SGIP1: variants seen among roughly 807,000 people sequenced by gnomAD.
SGIP1 encodes the protein SH3GL interacting endocytic adaptor 1, also known as SH3-containing GRB2-like protein 3-interacting protein 1.
In SGIP1, 38 loss-of-function variants were observed where a neutral mutation model predicts 107.5. The ratio of observed to expected loss-of-function variants is 0.35; its 90% confidence interval spans 0.27 to 0.46. The LOEUF (loss-of-function observed/expected upper bound fraction) is 0.46. Ranked by LOEUF, SGIP1 falls within the 20% of genes least tolerant of loss-of-function variation. The probability of loss-of-function intolerance (pLI) is 1.00; values close to 1 mark genes in which losing one functional copy is unlikely to be tolerated. For synonymous variants in SGIP1, 365 were observed against 366.1 expected, an observed-to-expected ratio of 1.00 and a Z score of 0.03; for missense variants, 929 against 1,019.5, an observed-to-expected ratio of 0.91 and a Z score of 1.21.
rs61420853 is a variant in SGIP1, at chr1:66,621,781, T to C, written c.11-4066T>C. On this transcript the variant is annotated intron_variant, in intron 1 of 24. Coordinates refer to ENST00000371037, the MANE Select transcript of SGIP1 (RefSeq NM_032291.4). ...ACGTTGCAGCCTGTATAAGTACTTT[T>C]TTCCTTTTTATGGCTGAATAGTATT... is the stretch of plus-strand genomic sequence containing the variant. Among the ~76,000 whole-genome samples, 244 of 152,374 alleles carry C rather than the reference T, an allele frequency of 1.6e-3. 3 individuals are homozygous for C. In the East Asian group the frequency reaches 0.026, roughly 16 times the overall value.
At chr1:66,551,635 C>T (rs1485408193) in intron 1 of SGIP1, among the ~76,000 whole-genome samples, 1 of 152,090 alleles carries the variant, frequency 6.6e-6, no homozygotes, top group Non-Finnish European at 1.5e-5. Flanking sequence ...CATGCCAATC[C>T]TCTCCAAGTT....
At chr1:66,632,818 G>A (rs1286363463) in intron 2 of SGIP1, among the ~76,000 whole-genome samples, 2 of 152,042 alleles carry the variant, frequency 1.3e-5, no homozygotes, top group African/African-American at 2.4e-5. Flanking sequence ...AATGAACCAA[G>A]GCACTACCCT....
intron 7 of SGIP1, among the ~76,000 whole-genome samples, chr1:66,648,925 T>A (rs148537039): frequency 1.2e-3 from 182 of 152,350 alleles, no homozygotes; most frequent in African/African-American, 4.2e-3. Flanking sequence ...GGAAGGATGA[T>A]AAGAATCCTT....
At chr1:66,594,883 C>T (rs1267447769) in intron 1 of SGIP1, among the ~76,000 whole-genome samples, 2 of 152,160 alleles carry the variant, frequency 1.3e-5, no homozygotes, top group Non-Finnish European at 2.9e-5. Context: ...CTCTGCTTGT[C>T]ACTTTCTAAA....
intron 1 of SGIP1, among the ~76,000 whole-genome samples, chr1:66,617,082 T>C (rs2069521420): frequency 6.6e-6 from 1 of 152,214 alleles, no homozygotes; most frequent in African/African-American, 2.4e-5. Context: ...TTAAGTCAAG[T>C]AGAAATGTAG....
At chr1:66,665,283 C>G (rs898630466) in intron 8 of SGIP1, among the ~76,000 whole-genome samples, 3 of 152,160 alleles carry the variant, frequency 2.0e-5, no homozygotes, top group African/African-American at 4.8e-5. Flanking sequence ...TCATCCATGT[C>G]CCTGCAAAGG....
intron 18 of SGIP1, among the ~76,000 whole-genome samples, chr1:66,717,997 A>T (rs1338766594): frequency 6.6e-6 from 1 of 152,194 alleles, no homozygotes; most frequent in African/African-American, 2.4e-5. Flanking sequence ...TAGATATTAG[A>T]TATTAGATAA....
intron 19 of SGIP1, among the ~76,000 whole-genome samples, chr1:66,726,930 G>A (rs769542156): frequency 6.6e-5 from 10 of 152,172 alleles, no homozygotes; most frequent in Non-Finnish European, 1.5e-4. Flanking sequence ...ATGCTCACAC[G>A]ACTGCACTCC....
chr1:66,642,862 G>T lies in SGIP1; in HGVS notation c.281G>T (p.Gly94Val). 6.2e-7 allele frequency: 1 copy of T among 1,610,192 alleles called. No homozygotes were observed. Among genetic ancestry groups the T allele is most frequent in the Non-Finnish European group, 8.5e-7 (1 of 1,178,270 alleles). Residue 94 changes from glycine to valine, a missense_variant and splice_region_variant, in exon 6 of 25, where the codon GGC (glycine) becomes GTC (valine). By Grantham distance (109) the Gly-to-Val change is moderately radical. Transcript: ENST00000371037. The stretch of plus-strand genomic sequence containing the variant: ...TACAGCATCAGACCCGAGGAACCCG[G>T]CTATATCCTTTCTTTATTTTTTTAT... ...EGYSIRPEEP[G>V]STKGKHFYSS...
intron 1 of SGIP1, among the ~76,000 whole-genome samples, chr1:66,574,518 A>C (rs556226017): frequency 6.6e-6 from 1 of 152,150 alleles, no homozygotes; most frequent in African/African-American, 2.4e-5. Flanking sequence ...TTATACATCT[A>C]TGAGAACAAT....
Position 66,643,586 on chromosome 1 carries a change from A to G in SGIP1, c.326A>G (p.Glu109Gly). ...TTTTATTCTTCAAGTGAATCGGAAGAAGAAGAAGAATCACATAAGAAATTT... is the reference window on the plus strand; with the variant it reads ...TTTTATTCTTCAAGTGAATCGGAAGGAGAAGAAGAATCACATAAGAAATTT... ...KHFYSSSESEEEEESHKKFNI... is the reference protein window; with the variant it reads ...KHFYSSSESEGEEESHKKFNI... The change falls in exon 7 of 25, where the codon GAA becomes GGA. Residue 109 changes from glutamate to glycine, a missense_variant. Coordinates refer to ENST00000371037, the MANE Select transcript of SGIP1 (RefSeq NM_032291.4). The G allele has an allele frequency of 6.2e-7, 1 of 1,611,438 alleles. No individual in the cohort carries two copies. Among genetic ancestry groups the G allele is most frequent in the Non-Finnish European group, 8.5e-7 (1 of 1,178,938 alleles).
At chr1:66,684,320 C>G (rs2087656424) in intron 15 of SGIP1, 1 of 1,327,484 alleles carries the variant, frequency 7.5e-7, no homozygotes, top group Non-Finnish European at 1.0e-6. Context: ...TCGACAAGAT[C>G]ACCAAAAGTC....
At chr1:66,721,628 T>C (rs1245378942) in intron 19 of SGIP1, among the ~76,000 whole-genome samples, 1 of 152,106 alleles carries the variant, frequency 6.6e-6, no homozygotes, top group Non-Finnish European at 1.5e-5. Context: ...AGGCTGGTCT[T>C]GAACTCCTGG....
intron 1 of SGIP1, among the ~76,000 whole-genome samples, chr1:66,579,185 G>A (rs1310408763): frequency 2.0e-5 from 3 of 152,112 alleles, no homozygotes; most frequent in Non-Finnish European, 2.9e-5. Flanking sequence ...TTTCTTTTAA[G>A]AAGCTAAGGT....
intron 4 of SGIP1, among the ~76,000 whole-genome samples, chr1:66,638,882 A>G (rs1451073579): frequency 6.6e-6 from 1 of 152,192 alleles, no homozygotes; most frequent in Non-Finnish European, 1.5e-5. Context: ...GAGATCTGCT[A>G]TGCGCAGTGA....
At chr1:66,737,704 A>G (rs891554247) in intron 21 of SGIP1, among the ~76,000 whole-genome samples, 6 of 152,208 alleles carry the variant, frequency 3.9e-5, no homozygotes, top group Admixed American at 3.9e-4. Flanking sequence ...GAAGCTAATA[A>G]TAGCCTAATA....
At chr1:66,724,899 G>A (rs1290557174) in intron 19 of SGIP1, among the ~76,000 whole-genome samples, 2 of 152,146 alleles carry the variant, frequency 1.3e-5, no homozygotes, top group Non-Finnish European at 1.5e-5. Context: ...GGTAGGTGCT[G>A]AAATCTAATT....
At chr1:66,643,509 GAAGA>G in intron 6 of SGIP1, 31 bp from the exon 7 acceptor site, 2 of 1,568,110 alleles carry the variant, frequency 1.3e-6, no homozygotes, top group Non-Finnish European at 1.7e-6. Flanking sequence ...CCTCCCAGTA[GAAGA>G]AAGAGTTATG....
At chr1:66,713,048 A>G (rs1291258114) in intron 18 of SGIP1, among the ~76,000 whole-genome samples, 28 of 152,084 alleles carry the variant, frequency 1.8e-4, no homozygotes, top group Non-Finnish European at 1.6e-4. Flanking sequence ...CCTGACTTCT[A>G]TGCTCCTTGA....
Sources: allele counts gnomAD v4.1 joint callset (sites outside exome capture counted in the v4.1 genomes callset), GRCh38; gene constraint gnomAD v4.1.1; transcripts MANE v1.5; gene names NCBI Gene and HGNC (gene_info 2026-07-23, HGNC 2026-07-21).